The following METTL6 variants were observed in gnomAD, a reference collection of about 807,000 sequenced individuals.
METTL6 encodes methyltransferase 6, tRNA N3-cytidine.
In METTL6, 22 loss-of-function variants were observed where a neutral mutation model predicts 26.4. The observed-to-expected ratio is 0.83, with a 90% CI of 0.59 to 1.19. The LOEUF (loss-of-function observed/expected upper bound fraction) is 1.19, where lower values mean the gene tolerates loss of function less well. Ranked by LOEUF, METTL6 falls within the 50% of genes most tolerant of loss-of-function variation. The pLI is 0.00. For missense variants in METTL6, 304 were observed against 324.8 expected (o/e 0.94, Z 0.49); for synonymous variants, 109 against 116.2 (o/e 0.94, Z 0.40).
At chr3:15,386,004 G>T (rs1699183445) in intron 6 of METTL6, among the ~76,000 whole-genome samples, 1 of 152,184 alleles carries the variant, frequency 6.6e-6, no homozygotes, top group African/African-American at 2.4e-5. Flanking sequence ...TATTAGAGAA[G>T]AAAAGAAACA....
chr3:15,384,817 A>G (rs1197172466), intron 6 of METTL6, among the ~76,000 whole-genome samples: 4 of 152,184 alleles, frequency 2.6e-5, no homozygotes, highest in Admixed American at 2.0e-4. Flanking sequence ...TCTCTTGTCA[A>G]TCCCCAAAGA....
chr3:15,404,478 G>A (rs1699733442), intron 6 of METTL6, among the ~76,000 whole-genome samples: 1 of 151,300 alleles, frequency 6.6e-6, no homozygotes, highest in Admixed American at 6.6e-5. Flanking sequence ...GAGTACCTGG[G>A]ATTACAGATG....
chr3:15,423,659 G>A (rs2061656498), intron 3 of METTL6, among the ~76,000 whole-genome samples: 1 of 152,022 alleles, frequency 6.6e-6, no homozygotes, highest in Non-Finnish European at 1.5e-5. Context: ...GATTGTTTGA[G>A]CCCAGAAGTT....
chr3:15,411,372 C>T lies in METTL6; in HGVS notation c.739G>A (p.Glu247Lys), dbSNP rs756357235. 3.1e-6 allele frequency: 5 copies of T among 1,614,176 alleles called. No individual in the cohort carries two copies. The highest frequency in any genetic ancestry group is 3.4e-6 in the Non-Finnish European group (4 of 1,180,032). ...EEVVNEYVFR[E>K]TVNKKEGLCV... ...AGGCCTTCTTTTTTATTCACCGTCT[C>T]TCGAAACACATACTCGTTTACCACT... Residue 247 changes from glutamate (E) to lysine (K), a missense_variant, in exon 6 of 6, where the codon GAG becomes AAG. Coordinates refer to ENST00000383790, the MANE Select transcript of METTL6 (RefSeq NM_152396.4).
At chr3:15,424,067 C>T (rs1429316454) in intron 3 of METTL6, among the ~76,000 whole-genome samples, 1 of 152,072 alleles carries the variant, frequency 6.6e-6, no homozygotes, top group African/African-American at 2.4e-5. Context: ...ATTGTCTCTG[C>T]TACTTGAGAG....
At chr3:15,415,634 C>G (rs1700171390) in intron 4 of METTL6, 138 bp downstream of exon 4, 1 of 1,607,818 alleles carries the variant, frequency 6.2e-7, no homozygotes, top group African/African-American at 1.3e-5. Flanking sequence ...GGACCCCTTT[C>G]TATACACTCA....
Position 15,410,347 on chromosome 3 carries a change from G to C in METTL6, c.*909C>G, listed in dbSNP as rs549619487. Among the ~76,000 whole-genome samples, 2 of 152,142 alleles carry C rather than the reference G, an allele frequency of 1.3e-5. No individual in the cohort carries two copies. Among genetic ancestry groups the C allele is most frequent in the South Asian group, 4.1e-4 (2 of 4,822 alleles). The stretch of plus-strand genomic sequence containing the variant: ...AATTTTTTTTGTTTTTTTTGAGACA[G>C]ACTTTTGCTCTGTCGCCCAGGCTGG... On this transcript the variant is annotated 3_prime_UTR_variant, in exon 6 of 6. Transcript: ENST00000383790.
chr3:15,426,377 C>G lies in METTL6; in HGVS notation c.135G>C (p.Trp45Cys). The G allele has an allele frequency of 6.2e-7, 1 of 1,614,174 alleles. No homozygotes were observed. The highest frequency in any genetic ancestry group is 8.5e-7 in the Non-Finnish European group (1 of 1,180,032). ...QKLEQEAQKN[W>C]DLFYKRNSTN... ...TGCTATTTCTTTTGTAAAAAAGATC[C>G]CAATTTTTCTGAGCCTCTTGTTCCA... is the stretch of plus-strand genomic sequence containing the variant. Residue 45 changes from tryptophan to cysteine, a missense_variant, in exon 2 of 6, where the codon TGG becomes TGC. Trp to Cys is a radical substitution (Grantham distance 215, BLOSUM62 -2). Transcript: ENST00000383790.
intron 3 of METTL6, among the ~76,000 whole-genome samples, chr3:15,422,415 G>A (rs1408695217): frequency 6.6e-6 from 1 of 152,154 alleles, no homozygotes. Flanking sequence ...GATCACTTGA[G>A]TTCAGAAAGA....
chr3:15,389,833 C>T (rs1029429877), intron 6 of METTL6, among the ~76,000 whole-genome samples: 2 of 150,942 alleles, frequency 1.3e-5, no homozygotes, highest in Admixed American at 1.3e-4. Flanking sequence ...CAGGCATACG[C>T]CACCGCGCCC....
At chr3:15,394,511 G>A (rs1020078484) in intron 6 of METTL6, among the ~76,000 whole-genome samples, 20 of 152,102 alleles carry the variant, frequency 1.3e-4, no homozygotes, top group Non-Finnish European at 2.6e-4. Context: ...GTTCTGCTCT[G>A]ATCTTAGTTA....
intron 6 of METTL6, among the ~76,000 whole-genome samples, chr3:15,404,507 T>TA (rs1298820726): frequency 7.9e-5 from 8 of 101,070 alleles, no homozygotes; most frequent in African/African-American, 2.7e-4. Context: ...CATGCCCAGC[T>TA]AATTTTTTTT....
At chr3:15,408,876 A>G (rs1699872058), downstream of METTL6, among the ~76,000 whole-genome samples, 1 of 152,164 alleles carries the variant, frequency 6.6e-6, no homozygotes, top group Non-Finnish European at 1.5e-5. Context: ...GTAGAGACAC[A>G]GGTGAAAGGA....
At chr3:15,412,605 C>T (rs1208644724) in intron 5 of METTL6, among the ~76,000 whole-genome samples, 6 of 152,032 alleles carry the variant, frequency 3.9e-5, no homozygotes, top group Non-Finnish European at 8.8e-5. Flanking sequence ...TTGCCTCAGC[C>T]TCCTAAGCAG....
chr3:15,426,742 C>T (rs540288520), intron 1 of METTL6, 107 bp from the exon 2 acceptor site: 7 of 561,866 alleles, frequency 1.2e-5, no homozygotes, highest in South Asian at 9.2e-5. Flanking sequence ...AAAAATCCTT[C>T]CCGCTATATG....
intron 6 of METTL6, among the ~76,000 whole-genome samples, chr3:15,397,622 C>T (rs549432237): frequency 6.6e-6 from 1 of 152,250 alleles, no homozygotes; most frequent in East Asian, 1.9e-4. Flanking sequence ...CGGCCATCTT[C>T]ACTTTTAGCC....
At chr3:15,401,536 C>CAAAAAAAAAA (rs35578326) in intron 6 of METTL6, among the ~76,000 whole-genome samples, 2 of 71,854 alleles carry the variant, frequency 2.8e-5, no homozygotes, top group African/African-American at 1.1e-4. Flanking sequence ...ATGTTCACGC[C>CAAAAAAAAAA]AAAAAAAAAA....
intron 6 of METTL6, among the ~76,000 whole-genome samples, chr3:15,389,791 AC>A (rs139819107): frequency 0.023 from 3,258 of 144,712 alleles, 100 homozygotes; most frequent in African/African-American, 0.076. Flanking sequence ...TCAGTGGTCC[AC>A]CCACCTCGGC....
downstream of METTL6, among the ~76,000 whole-genome samples, chr3:15,406,627 TATAGAGAGAGAG>T (rs1699806352): frequency 6.4e-5 from 2 of 31,046 alleles, no homozygotes; most frequent in African/African-American, 1.6e-4. Flanking sequence ...TATATATATA[TATAGAGAGAGAG>T]AGAGAGAGAG....
Sources: allele counts gnomAD v4.1 joint callset (sites outside exome capture counted in the v4.1 genomes callset), GRCh38; gene constraint gnomAD v4.1.1; transcripts MANE v1.5; gene names NCBI Gene and HGNC (gene_info 2026-07-23, HGNC 2026-07-21).